The following DCLK1 variants were observed in gnomAD, a reference collection of about 807,000 sequenced individuals.
DCLK1 encodes the protein doublecortin like kinase 1.
DCLK1 carries 16 observed loss-of-function variants against 86.2 expected under a neutral mutation model. That is an observed-to-expected ratio of 0.19 (90% confidence interval 0.13 to 0.28). The LOEUF (loss-of-function observed/expected upper bound fraction) is 0.28, where lower values mean the gene tolerates loss of function less well. Among genes scored for constraint, DCLK1 ranks in the 10% least tolerant of loss-of-function variants. The probability of loss-of-function intolerance (pLI) is 1.00; values close to 1 mark genes in which losing one functional copy is unlikely to be tolerated. For missense variants in DCLK1, 590 were observed against 940.2 expected, an observed-to-expected ratio of 0.63 and a Z score of 4.87; for synonymous variants, 369 against 370.5, an observed-to-expected ratio of 1.00 and a Z score of 0.05.
chr13:36,094,126 A>T (rs983884302), intron 3 of DCLK1, among the ~76,000 whole-genome samples: 1 of 152,240 alleles, frequency 6.6e-6, no homozygotes, highest in Non-Finnish European at 1.5e-5. Flanking sequence ...ATGTTACAGC[A>T]TTTTTTAAAA....
intron 4 of DCLK1, among the ~76,000 whole-genome samples, chr13:35,917,060 A>T (rs1015307240): frequency 6.6e-6 from 1 of 152,144 alleles, no homozygotes; most frequent in Non-Finnish European, 1.5e-5. Flanking sequence ...GGCCTTGCTT[A>T]ACCCCCCAGT....
At chr13:36,031,330 C>A (rs56282516) in intron 3 of DCLK1, among the ~76,000 whole-genome samples, 151,222 of 151,282 alleles carry the variant, frequency 1, 75,581 homozygotes, top group Middle Eastern at 1. Context: ...ACCACACACA[C>A]ACAAAAAAAG....
rs745602297 is a variant in DCLK1, at chr13:35,854,632, C to T, written c.941-39G>A. The T allele has an allele frequency of 5.3e-5, 78 of 1,482,354 alleles. 1 individual carries two copies. The Admixed American group carries it at 5.7e-4, about 11-fold the overall frequency. The allele number at this position is 1,482,354 out of a possible 1,614,324, so 91.8% of individuals were successfully genotyped here. A position where few individuals can be genotyped will look rare whatever the true frequency, so the allele number is the denominator to read the frequency against. Reference sequence around the variant, plus strand: ...GAATCACACACAGAGAAAAATGGCACGTTAAATAATTTTCATGACAAATCA... The same window carrying T: ...GAATCACACACAGAGAAAAATGGCATGTTAAATAATTTTCATGACAAATCA... On this transcript the variant is annotated intron_variant, in intron 5 of 16. Coordinates refer to ENST00000360631, the MANE Select transcript of DCLK1 (RefSeq NM_001330071.2).
chr13:35,823,692 T>C (rs1257663353), intron 10 of DCLK1, among the ~76,000 whole-genome samples: 1 of 152,192 alleles, frequency 6.6e-6, no homozygotes, highest in East Asian at 1.9e-4. Context: ...TGATTTACTA[T>C]CAATATGTGC....
chr13:35,961,450 A>G (rs1878457543), intron 3 of DCLK1, among the ~76,000 whole-genome samples: 1 of 152,244 alleles, frequency 6.6e-6, no homozygotes, highest in African/African-American at 2.4e-5. Context: ...TGTTAGATTC[A>G]GACAACCATA....
intron 4 of DCLK1, among the ~76,000 whole-genome samples, chr13:35,936,843 C>T (rs1876779040): frequency 6.6e-6 from 1 of 151,912 alleles, no homozygotes; most frequent in Non-Finnish European, 1.5e-5. Flanking sequence ...AAAACAGGGA[C>T]TGAGAGAGAC....
At chr13:35,842,228 CAAAAAAAAAAAAA>C (rs35862851) in intron 6 of DCLK1, among the ~76,000 whole-genome samples, 1 of 35,130 alleles carries the variant, frequency 2.8e-5, no homozygotes, top group African/African-American at 1.2e-4. Context: ...GACTCCATCT[CAAAAAAAAAAAAA>C]AAAAAAAAAA....
intron 3 of DCLK1, among the ~76,000 whole-genome samples, chr13:36,006,625 A>G (rs1880971346): frequency 6.6e-6 from 1 of 152,228 alleles, no homozygotes; most frequent in African/African-American, 2.4e-5. Context: ...CCCTGAAAGG[A>G]GAGGCCACGG....
At chr13:36,120,408 T>C (rs1885944661) in intron 2 of DCLK1, among the ~76,000 whole-genome samples, 1 of 152,222 alleles carries the variant, frequency 6.6e-6, no homozygotes, top group Admixed American at 6.5e-5. Context: ...CATTGTGTTA[T>C]AATTGTCTAC....
Position 35,853,444 on chromosome 13 carries a change from G to T in DCLK1, c.1035+1055C>A, listed in dbSNP as rs146065913. On this transcript the variant is annotated intron_variant, in intron 6 of 16. Transcript: ENST00000360631. ...AGAAAGATAACCAAACTTGATATTT[G>T]GTGCAACAGGCTCCAAAGGAGATGG... Among the ~76,000 whole-genome samples the T allele has an allele frequency of 9.9e-5, 15 of 152,190 alleles. No homozygotes were observed. The East Asian group carries it at 2.9e-3, about 29-fold the overall frequency.
At chr13:35,865,000 A>G (rs1439831601) in intron 5 of DCLK1, among the ~76,000 whole-genome samples, 1 of 152,172 alleles carries the variant, frequency 6.6e-6, no homozygotes, top group East Asian at 1.9e-4. Context: ...GAAGTTTGTA[A>G]GTTTTAAGGA....
chr13:35,841,566 T>C (rs1869794645), intron 6 of DCLK1, among the ~76,000 whole-genome samples: 1 of 152,126 alleles, frequency 6.6e-6, no homozygotes, highest in African/African-American at 2.4e-5. Flanking sequence ...AGTTTGCTTA[T>C]GTTTATAACT....
rs368530341 is a variant in DCLK1, at chr13:35,864,482, G to A, written c.940+6742C>T. Among the ~76,000 whole-genome samples the A allele has an allele frequency of 2.3e-3, 180 of 79,292 alleles. 27 individuals are homozygous for A. The East Asian group carries it at 0.058, about 25-fold the overall frequency. The allele number at this position is 79,292 out of a possible 152,430, so 52.0% of individuals were successfully genotyped here. ...TGGGAGGCTGAGGCAGGAGAATGGC[G>A]TGAACCCGGGAGGCGGAGCTTGCAG... On this transcript the variant is annotated intron_variant, in intron 5 of 16. Coordinates refer to ENST00000360631, the MANE Select transcript of DCLK1 (RefSeq NM_001330071.2).
intron 4 of DCLK1, among the ~76,000 whole-genome samples, chr13:35,896,524 G>A (rs1322220705): frequency 7.5e-5 from 1 of 13,264 alleles, no homozygotes; most frequent in East Asian, 1.6e-3. Context: ...GGCAACAAAA[G>A]CAAAATTCCA....
chr13:36,008,217 TATTA>T (rs1444981849), intron 3 of DCLK1, among the ~76,000 whole-genome samples: 13,063 of 38,684 alleles, frequency 0.34, 742 homozygotes, highest in East Asian at 0.45. Flanking sequence ...TTATTATTAT[TATTA>T]TTATTATTTT....
chr13:35,774,473 TG>T lies in DCLK1; in HGVS notation c.*61del. 1 of 1,536,270 alleles carries T rather than the reference TG, an allele frequency of 6.5e-7. No individual in the cohort carries two copies. The highest frequency in any genetic ancestry group is 1.2e-5 in the South Asian group (1 of 83,344). ...CAGATGAAACTGTTTTACACAAATT[TG>T]GGGGAAAAAAATCTCAGAGTCTCAA... On this transcript the variant is annotated 3_prime_UTR_variant, in exon 17 of 17. Transcript: ENST00000360631.
At chr13:35,813,041 T>C (rs1212392481) in intron 11 of DCLK1, among the ~76,000 whole-genome samples, 2 of 152,242 alleles carry the variant, frequency 1.3e-5, no homozygotes, top group African/African-American at 4.8e-5. Context: ...ACGTCAGCCA[T>C]TCTGGTCATC....
chr13:36,040,619 T>C (rs997075338), intron 3 of DCLK1, among the ~76,000 whole-genome samples: 2 of 152,058 alleles, frequency 1.3e-5, no homozygotes, highest in Admixed American at 6.6e-5. Context: ...CTCCTTTCTA[T>C]ACTGTACTCT....
chr13:35,822,843 A>G lies in DCLK1; in HGVS notation c.1440T>C (p.Thr480=), dbSNP rs758105264. 1.2e-5 allele frequency: 19 copies of G among 1,613,676 alleles called. No individual in the cohort carries two copies. The highest frequency in any genetic ancestry group is 1.4e-5 in the Non-Finnish European group (17 of 1,179,958). ...GGDLFDAITS[T]NKYTERDASG... is the part of the protein sequence containing the mutation. ...TGGCGTCTCTCTCGGTGTATTTGTT[A>G]GTGGAAGTAATGGCATCAAAAAGGT... Residue 480 remains threonine, a synonymous_variant, in exon 11 of 17, where the codon ACT becomes ACC. Transcript: ENST00000360631.
Sources: gnomAD v4.1 joint callset for allele counts (sites outside exome capture counted in the v4.1 genomes callset) on GRCh38, gnomAD v4.1.1 for gene constraint, MANE v1.5 for transcripts, NCBI Gene and HGNC (gene_info 2026-07-23, HGNC 2026-07-21) for gene names.